ATXN3: variants seen among roughly 807,000 people sequenced by gnomAD.
ATXN3 encodes ataxin 3.
Under a neutral mutation model 58.2 loss-of-function variants are expected in ATXN3, and 28 were observed. That is an observed-to-expected ratio of 0.48 (90% CI 0.36 to 0.66). The LOEUF (loss-of-function observed/expected upper bound fraction) is 0.66, where lower values mean the gene tolerates loss of function less well. Among genes scored for constraint, ATXN3 ranks in the 30% least tolerant of loss-of-function variants. The probability of loss-of-function intolerance (pLI) is 0.00; values close to 1 mark genes in which losing one functional copy is unlikely to be tolerated. For missense variants in ATXN3, 321 were observed against 422.1 expected (o/e 0.76, Z 2.10); for synonymous variants, 113 against 138.5 (o/e 0.82, Z 1.29).
chr14:92,047,290 G>A (rs2057432152), intron 2 of ATXN3, among the ~76,000 whole-genome samples: 1 of 152,248 alleles, frequency 6.6e-6, no homozygotes, highest in Non-Finnish European at 1.5e-5. Context: ...AAAACAATTT[G>A]GTTGATAAGA....
upstream of ATXN3, among the ~76,000 whole-genome samples, chr14:92,051,638 ATT>A (rs1224103885): frequency 2.2e-4 from 15 of 68,742 alleles, no homozygotes; most frequent in Admixed American, 2.6e-4. Context: ...ATTTATTTTA[ATT>A]TTTTTTTTTT....
intron 6 of ATXN3, among the ~76,000 whole-genome samples, chr14:92,085,629 G>A (rs918551859): frequency 3.3e-5 from 5 of 152,166 alleles, no homozygotes; most frequent in Non-Finnish European, 7.3e-5. Flanking sequence ...CAGAGTACAA[G>A]AGTCACCCTT....
rs2057751950 is a variant in ATXN3 at position 92,061,109 on chromosome 14, T to C, written c.*3211A>G. 1 of 152,204 alleles carries C rather than the reference T, an allele frequency of 6.6e-6. No individual in the cohort carries two copies. The highest frequency in any genetic ancestry group is 1.5e-5 in the Non-Finnish European group (1 of 68,040). The allele number at this position is 152,204 out of a possible 1,614,324, so 9.4% of individuals were successfully genotyped here. A position where few individuals can be genotyped will look rare whatever the true frequency, so the allele number is the denominator to read the frequency against. ...GATTTAGGCTCTGACTGAAATAAAA[T>C]TTATTTTATTCAACTTAATATTAAA... On this transcript the variant is annotated 3_prime_UTR_variant, in exon 11 of 11. Transcript: ENST00000644486.
rs1555392594 is a variant in ATXN3 at position 92,060,270 on chromosome 14, A to ATAG, written c.*4049_*4050insCTA. 8.5e-6 allele frequency: 1 copy of ATAG among 117,422 alleles called. No individual in the cohort carries two copies. The highest frequency in any genetic ancestry group is 3.5e-5 in the African/African-American group (1 of 28,296). The allele number at this position is 117,422 out of a possible 1,614,324, so 7.3% of individuals were successfully genotyped here. A position where few individuals can be genotyped will look rare whatever the true frequency, so the allele number is the denominator to read the frequency against. On this transcript the variant is annotated 3_prime_UTR_variant, in exon 11 of 11. Transcript: ENST00000644486. ...CACACATATATATATATATATATAT[A>ATAG]TTTTTTTTTTTCAGAAACAGTGTCT...
intron 3 of ATXN3, 103 bp from the exon 4 acceptor site, chr14:92,093,934 A>C: frequency 1.5e-6 from 1 of 671,322 alleles, no homozygotes; most frequent in Non-Finnish European, 2.6e-6. Context: ...ATTTCTCTAG[A>C]AGGCTATAGG....
chr14:92,096,839 C>T lies in ATXN3; in HGVS notation c.25-1G>A. On this transcript the variant is annotated splice_acceptor_variant, in intron 1 of 10. Coordinates refer to ENST00000644486, the MANE Select transcript of ATXN3 (RefSeq NM_004993.6). LOFTEE classifies it high-confidence loss of function. ...GTTGAGCACAAAGTGAGCCTTCTTG[C>T]TAATATTTCCAAAAGAAAAAATTAA... 1.2e-6 allele frequency: 2 copies of T among 1,612,322 alleles called. No individual in the cohort carries two copies. Among genetic ancestry groups the T allele is most frequent in the Non-Finnish European group, 1.7e-6 (2 of 1,179,012 alleles).
intron 9 of ATXN3, chr14:92,080,622 G>A (rs988629497): frequency 2.8e-5 from 9 of 326,198 alleles, no homozygotes; most frequent in Non-Finnish European, 4.8e-5. Context: ...CAACCTCCAC[G>A]TCCCGGGTTC....
At chr14:92,104,751 T>C (rs1163353184) in intron 1 of ATXN3, among the ~76,000 whole-genome samples, 4 of 151,470 alleles carry the variant, frequency 2.6e-5, no homozygotes, top group African/African-American at 9.7e-5. Flanking sequence ...GGTGAAACCC[T>C]GTCTCTACTA....
intron 1 of ATXN3, among the ~76,000 whole-genome samples, chr14:92,049,038 A>G (rs1369462675): frequency 3.9e-5 from 6 of 152,306 alleles, no homozygotes. Context: ...AGGACAGACA[A>G]ATCCAAAGTG....
intron 1 of ATXN3, among the ~76,000 whole-genome samples, chr14:92,102,706 T>TA (rs1885888248): frequency 6.6e-6 from 1 of 152,172 alleles, no homozygotes; most frequent in Non-Finnish European, 1.5e-5. Flanking sequence ...TTCTCTACAC[T>TA]CTAACTCTCA....
In ATXN3 at chr14:92,067,608, G is replaced by C. The variant is rs541261309; in HGVS notation, c.992-3194C>G. Among the ~76,000 whole-genome samples, 4 of 152,304 alleles carry C rather than the reference G, an allele frequency of 2.6e-5. No individual in the cohort carries two copies. The East Asian group carries it at 5.8e-4, about 22-fold the overall frequency. Reference sequence around the variant, plus strand: ...GACAGGGTTTCACCATGCTGGCCAGGCTGGTCTTGAATTCCTGACCTTAAG... The same window carrying C: ...GACAGGGTTTCACCATGCTGGCCAGCCTGGTCTTGAATTCCTGACCTTAAG... On this transcript the variant is annotated intron_variant, in intron 10 of 10. Coordinates refer to ENST00000644486, the MANE Select transcript of ATXN3 (RefSeq NM_004993.6).
At chr14:92,045,802 A>T (rs1047386368) in intron 2 of ATXN3, among the ~76,000 whole-genome samples, 2 of 152,192 alleles carry the variant, frequency 1.3e-5, no homozygotes, top group Admixed American at 6.5e-5. Flanking sequence ...TTGTGTGAGA[A>T]GAGATTGATA....
At chr14:92,106,092 A>C (rs1220621484) in intron 1 of ATXN3, among the ~76,000 whole-genome samples, 1 of 151,574 alleles carries the variant, frequency 6.6e-6, no homozygotes, top group Non-Finnish European at 1.5e-5. Context: ...AGCAGTCCGG[A>C]GGAGGAAAAG....
In ATXN3 at chr14:92,097,008, T is replaced by C. The variant is rs373925635; in HGVS notation, c.25-170A>G. 2.4e-3 allele frequency: 1,337 copies of C among 560,078 alleles called. 19 individuals are homozygous for C. Among genetic ancestry groups the C allele is most frequent in the East Asian group, 0.016 (427 of 27,368 alleles). 34.7% of individuals were successfully genotyped at this position (560,078 alleles called of 1,614,324 possible). On this transcript the variant is annotated intron_variant, in intron 1 of 10. Coordinates refer to ENST00000644486, the MANE Select transcript of ATXN3 (RefSeq NM_004993.6). ...CTGCAAGCTCCGCCACCCGGGTTCA[T>C]GCCATTCTCCTGCCTCAGCCTCCCG... is the stretch of plus-strand genomic sequence containing the variant.
chr14:92,080,180 C>T (rs1250731175), intron 9 of ATXN3, among the ~76,000 whole-genome samples: 1 of 152,116 alleles, frequency 6.6e-6, no homozygotes, highest in Non-Finnish European at 1.5e-5. Context: ...AGGAGTTGAT[C>T]CAGATTTATG....
upstream of ATXN3, among the ~76,000 whole-genome samples, chr14:92,052,493 GAAA>G (rs370788864): frequency 2.1e-5 from 3 of 141,820 alleles, no homozygotes; most frequent in African/African-American, 7.7e-5. Flanking sequence ...CCATCTCAAA[GAAA>G]AAAAAAAAAA....
At chr14:92,103,729 T>G (rs979412274) in intron 1 of ATXN3, among the ~76,000 whole-genome samples, 1 of 152,160 alleles carries the variant, frequency 6.6e-6, no homozygotes, top group African/African-American at 2.4e-5. Flanking sequence ...ACATTCTAAC[T>G]TAATAAAGGG....
chr14:92,046,160 C>G (rs1236229201), intron 2 of ATXN3: 1 of 152,190 alleles, frequency 6.6e-6, no homozygotes, highest in Non-Finnish European at 1.5e-5. Context: ...AGTCCTTTTG[C>G]AAGAGCGAGG....
intron 9 of ATXN3, among the ~76,000 whole-genome samples, chr14:92,074,888 C>T (rs1194557997): frequency 6.6e-6 from 1 of 152,220 alleles, no homozygotes; most frequent in Non-Finnish European, 1.5e-5. Flanking sequence ...CATCTGCATC[C>T]ATTTCAAAGC....
Sources: allele counts gnomAD v4.1 joint callset (sites outside exome capture counted in the v4.1 genomes callset), GRCh38; gene constraint gnomAD v4.1.1; transcripts MANE v1.5; gene names NCBI Gene and HGNC (gene_info 2026-07-23, HGNC 2026-07-21).